SLC24A2: variants seen among roughly 807,000 people sequenced by gnomAD.
SLC24A2 encodes sodium/potassium/calcium exchanger 2.
A neutral mutation model predicts 62.0 loss-of-function variants in SLC24A2; 36 were observed. The observed-to-expected ratio is 0.58, with a 90% CI of 0.44 to 0.77. SLC24A2 has a LOEUF of 0.77. Ranked by LOEUF, SLC24A2 falls within the 30% of genes least tolerant of loss-of-function variation. SLC24A2 has a pLI of 0.00. For synonymous variants in SLC24A2, 358 were observed against 294.0 expected, an observed-to-expected ratio of 1.22 and a Z score of -2.23; for missense variants, 846 against 817.9, an observed-to-expected ratio of 1.03 and a Z score of -0.42.
intron 2 of SLC24A2, among the ~76,000 whole-genome samples, chr9:19,776,711 T>C (rs1263068820): frequency 6.6e-6 from 1 of 152,196 alleles, no homozygotes; most frequent in African/African-American, 2.4e-5. Flanking sequence ...AACTACTACA[T>C]GTAAGTCAGT....
chr9:20,157,244 GATCA>G, the SLC24A2 span, among the ~76,000 whole-genome samples: 1 of 151,024 alleles, frequency 6.6e-6, no homozygotes, highest in Non-Finnish European at 1.5e-5. Context: ...CAAACTGGAG[GATCA>G]ATAAGAGGGA....
chr9:20,277,605 G>A, the SLC24A2 span, among the ~76,000 whole-genome samples: 15 of 152,186 alleles, frequency 9.9e-5, no homozygotes, highest in Admixed American at 1.3e-4. Flanking sequence ...TGGAGAGGAT[G>A]TGGAGAAATA....
the SLC24A2 span, chr9:19,957,301 C>T: frequency 6.6e-6 from 1 of 152,216 alleles, no homozygotes; most frequent in East Asian, 1.9e-4. Flanking sequence ...CCTAGGTCAG[C>T]GCTAAGATGA....
chr9:19,887,405 A>G, the SLC24A2 span, among the ~76,000 whole-genome samples: 1 of 152,136 alleles, frequency 6.6e-6, no homozygotes, highest in Non-Finnish European at 1.5e-5. Flanking sequence ...TGAATGGGCA[A>G]TTCTCAAAAG....
At chr9:20,062,337 G>A in the SLC24A2 span, among the ~76,000 whole-genome samples, 45 of 150,760 alleles carry the variant, frequency 3.0e-4, no homozygotes, top group Middle Eastern at 3.4e-3. Flanking sequence ...AAATAATGCC[G>A]CGTATCTACA....
rs1043003621 is a variant in SLC24A2 at position 19,540,480 on chromosome 9, G to C, written c.1479+9657C>G. ...TCACTTATGAAGCTTAGTTTGCCTG[G>C]ATATGAAATTCTGGGTTGAAAATTC... On this transcript the variant is annotated intron_variant, in intron 8 of 10. Coordinates refer to ENST00000341998, the MANE Select transcript of SLC24A2 (RefSeq NM_020344.4). 1.8e-3 allele frequency among the ~76,000 whole-genome samples: 274 copies of C among 151,462 alleles called. 5 individuals are homozygous for C. Among genetic ancestry groups the C allele is most frequent in the African/African-American group, 6.5e-3 (264 of 40,908 alleles).
At chr9:20,130,229 A>C in the SLC24A2 span, among the ~76,000 whole-genome samples, 23,877 of 152,082 alleles carry the variant, frequency 0.16, 2,591 homozygotes, top group East Asian at 0.47. Flanking sequence ...GATACCACAG[A>C]GAATAAGCCA....
chr9:19,684,613 G>C (rs1819824316), intron 2 of SLC24A2, among the ~76,000 whole-genome samples: 1 of 152,048 alleles, frequency 6.6e-6, no homozygotes, highest in Non-Finnish European at 1.5e-5. Context: ...AGGGTAGTGA[G>C]TTTCATCTAG....
Position 19,744,299 on chromosome 9 carries a change from C to G in SLC24A2, c.930+41638G>C, listed in dbSNP as rs138921251. Among the ~76,000 whole-genome samples the G allele has an allele frequency of 6.2e-3, 951 of 152,260 alleles. 7 individuals carry two copies. Among genetic ancestry groups the G allele is most frequent in the South Asian group, 0.04 (191 of 4,830 alleles). ...TATCTAGGGATGGATGTTCCCATTT[C>G]TTCTTCAAGCCACCTCTCGCACTGT... is the stretch of plus-strand genomic sequence containing the variant. On this transcript the variant is annotated intron_variant, in intron 2 of 10. Transcript: ENST00000341998.
Position 19,544,809 on chromosome 9 carries a change from G to A in SLC24A2, c.1479+5328C>T, listed in dbSNP as rs368765696. Among the ~76,000 whole-genome samples the A allele has an allele frequency of 3.3e-5, 5 of 152,272 alleles. No homozygotes were observed. In the South Asian group the frequency reaches 6.2e-4, roughly 19 times the overall value. ...CAGAGAGATCTGCTGTTGGTCTGATGGGCTTCCCTTTGTGGGTAACCTGAC... is the reference window on the plus strand; with the variant it reads ...CAGAGAGATCTGCTGTTGGTCTGATAGGCTTCCCTTTGTGGGTAACCTGAC... On this transcript the variant is annotated intron_variant, in intron 8 of 10. Coordinates refer to ENST00000341998, the MANE Select transcript of SLC24A2 (RefSeq NM_020344.4).
At position 19,553,363 on chromosome 9, in the gene SLC24A2, C is replaced by T. The variant is rs182654961; in HGVS notation, c.1348-3095G>A. ...CCTTGTGACAACTCACCCTTACCTC[C>T]TAAAATTTCTGCAGAGTGTCCATAG... On this transcript the variant is annotated intron_variant, in intron 7 of 10. Coordinates refer to ENST00000341998, the MANE Select transcript of SLC24A2 (RefSeq NM_020344.4). Among the ~76,000 whole-genome samples the T allele has an allele frequency of 2.2e-4, 33 of 152,262 alleles. No homozygotes were observed. The East Asian group carries it at 3.3e-3, about 15-fold the overall frequency.
intron 2 of SLC24A2, among the ~76,000 whole-genome samples, chr9:19,782,931 G>A (rs1823057274): frequency 6.6e-6 from 1 of 152,092 alleles, no homozygotes; most frequent in South Asian, 2.1e-4. Context: ...AAGCCCCAGG[G>A]TCTCTTCACT....
At chr9:19,842,887 A>G in the SLC24A2 span, among the ~76,000 whole-genome samples, 1 of 152,280 alleles carries the variant, frequency 6.6e-6, no homozygotes, top group African/African-American at 2.4e-5. Flanking sequence ...TCTCCCTTCT[A>G]TAATAAATGA....
chr9:20,271,421 T>A, the SLC24A2 span, among the ~76,000 whole-genome samples: 1 of 152,202 alleles, frequency 6.6e-6, no homozygotes, highest in Non-Finnish European at 1.5e-5. Flanking sequence ...GCTAGTGGGT[T>A]TTGCCAGATA....
chr9:19,908,647 C>A, the SLC24A2 span, among the ~76,000 whole-genome samples: 1 of 152,092 alleles, frequency 6.6e-6, no homozygotes, highest in Non-Finnish European at 1.5e-5. Flanking sequence ...AAGAAAAAAA[C>A]AACCCCATCA....
the SLC24A2 span, among the ~76,000 whole-genome samples, chr9:20,176,981 A>G: frequency 6.6e-6 from 1 of 152,042 alleles, no homozygotes; most frequent in Non-Finnish European, 1.5e-5. Flanking sequence ...AATAGTAGCA[A>G]TATTTATTAA....
At chr9:19,940,517 C>T in the SLC24A2 span, among the ~76,000 whole-genome samples, 1 of 152,198 alleles carries the variant, frequency 6.6e-6, no homozygotes, top group Middle Eastern at 3.4e-3. Context: ...TACATGAGTG[C>T]TCATGTCTCT....
intron 5 of SLC24A2, among the ~76,000 whole-genome samples, chr9:19,587,831 G>A (rs1423591179): frequency 1.3e-5 from 2 of 152,154 alleles, no homozygotes; most frequent in Non-Finnish European, 2.9e-5. Flanking sequence ...TTCTACATAT[G>A]CAATGTGACA....
chr9:19,529,569 C>T (rs1036762628), intron 8 of SLC24A2, among the ~76,000 whole-genome samples: 2 of 152,088 alleles, frequency 1.3e-5, no homozygotes, highest in African/African-American at 4.8e-5. Flanking sequence ...CGGGGGAGGG[C>T]ATCAGGCCAC....
Sources: allele counts gnomAD v4.1 joint callset (sites outside exome capture counted in the v4.1 genomes callset), GRCh38; gene constraint gnomAD v4.1.1; transcripts MANE v1.5; gene names NCBI Gene and HGNC (gene_info 2026-07-23, HGNC 2026-07-21).